MTREX: variants seen among roughly 807,000 people sequenced by gnomAD.
MTREX encodes Mtr4 exosome RNA helicase, also known as exosome RNA helicase MTR4.
MTREX carries 76 observed loss-of-function variants against 135.4 expected under a neutral mutation model. The observed-to-expected ratio is 0.56, with a 90% CI of 0.47 to 0.68. The LOEUF (loss-of-function observed/expected upper bound fraction) is 0.68. Among genes scored for constraint, MTREX ranks in the 30% least tolerant of loss-of-function variants. The pLI is 0.00. For missense variants in MTREX, 920 were observed against 1,262.1 expected, an observed-to-expected ratio of 0.73 and a Z score of 4.11; for synonymous variants, 404 against 401.6, an observed-to-expected ratio of 1.01 and a Z score of -0.07.
chr5:55,330,196 G>A (rs559444876), intron 5 of MTREX, among the ~76,000 whole-genome samples: 2 of 151,834 alleles, frequency 1.3e-5, no homozygotes, highest in Admixed American at 6.6e-5. Context: ...CCAACTCAGC[G>A]TCCCTAGTAG....
At chr5:55,405,868 G>A (rs1471014368) in intron 22 of MTREX, among the ~76,000 whole-genome samples, 1 of 151,942 alleles carries the variant, frequency 6.6e-6, no homozygotes, top group Non-Finnish European at 1.5e-5. Context: ...AAAAATCTTA[G>A]ATCTCAGTAA....
At chr5:55,395,552 GTCTC>G (rs1405646967) in intron 19 of MTREX, among the ~76,000 whole-genome samples, 1 of 152,144 alleles carries the variant, frequency 6.6e-6, no homozygotes, top group African/African-American at 2.4e-5. Context: ...TATTTACAAA[GTCTC>G]TAAAGGCTCT....
In MTREX at chr5:55,418,194, AC is replaced by A. The variant is rs199925868; in HGVS notation, c.2971+2063del. On this transcript the variant is annotated intron_variant, in intron 25 of 26. Coordinates refer to ENST00000230640, the MANE Select transcript of MTREX (RefSeq NM_015360.5). ...GCTTGCAGTGAGCTGAGATTGTGCCACTGCACTCCAGCCTGGGTGACAGAGC... is the reference window on the plus strand; with the variant it reads ...GCTTGCAGTGAGCTGAGATTGTGCCATGCACTCCAGCCTGGGTGACAGAGC... 1.4e-3 allele frequency among the ~76,000 whole-genome samples: 205 copies of A among 148,418 alleles called. No homozygotes were observed. In the East Asian group the frequency reaches 0.033, roughly 24 times the overall value.
intron 19 of MTREX, among the ~76,000 whole-genome samples, chr5:55,391,019 A>G (rs189010130): frequency 3.9e-5 from 6 of 152,286 alleles, no homozygotes; most frequent in Admixed American, 3.9e-4. Context: ...TTCTCTGTGT[A>G]TAGGTCATAC....
intron 25 of MTREX, among the ~76,000 whole-genome samples, chr5:55,419,936 G>C (rs1751027746): frequency 6.6e-6 from 1 of 152,164 alleles, no homozygotes; most frequent in East Asian, 1.9e-4. Flanking sequence ...AGTGTCATGA[G>C]TGGTTTTCCA....
chr5:55,368,432 A>G (rs1750139028), intron 16 of MTREX, among the ~76,000 whole-genome samples: 2 of 152,222 alleles, frequency 1.3e-5, no homozygotes, highest in African/African-American at 2.4e-5. Context: ...CCTGGGTGAC[A>G]GAGCGAGACT....
intron 15 of MTREX, among the ~76,000 whole-genome samples, chr5:55,360,713 T>G (rs1749993867): frequency 6.6e-6 from 1 of 152,212 alleles, no homozygotes; most frequent in Admixed American, 6.5e-5. Context: ...GAGTACCTGT[T>G]TTTGTGTCTG....
At chr5:55,412,721 C>A (rs951522161) in intron 23 of MTREX, among the ~76,000 whole-genome samples, 1 of 152,166 alleles carries the variant, frequency 6.6e-6, no homozygotes, top group Non-Finnish European at 1.5e-5. Flanking sequence ...CACAATTAAC[C>A]TCCTCACATC....
At chr5:55,402,454 T>C (rs1579895818) in intron 21 of MTREX, among the ~76,000 whole-genome samples, 1 of 152,208 alleles carries the variant, frequency 6.6e-6, no homozygotes, top group Admixed American at 6.5e-5. Context: ...GATTGAATGA[T>C]TGGAAAGCAT....
At chr5:55,360,512 T>C (rs1467943727) in intron 15 of MTREX, among the ~76,000 whole-genome samples, 1 of 152,118 alleles carries the variant, frequency 6.6e-6, no homozygotes, top group Non-Finnish European at 1.5e-5. Context: ...ATGTGTAACC[T>C]TTTGAGGAAC....
At chr5:55,420,871 TG>T (rs1751044211) in intron 25 of MTREX, among the ~76,000 whole-genome samples, 1 of 152,212 alleles carries the variant, frequency 6.6e-6, no homozygotes. Context: ...TCTGTCTCCA[TG>T]TGAGTTCTTC....
At chr5:55,354,790 G>T (rs1293284178) in intron 14 of MTREX, among the ~76,000 whole-genome samples, 4 of 152,176 alleles carry the variant, frequency 2.6e-5, no homozygotes, top group African/African-American at 9.7e-5. Flanking sequence ...ACCCAATAAA[G>T]GCAGCTGTGG....
chr5:55,351,207 G>GT (rs1176738951), intron 13 of MTREX, among the ~76,000 whole-genome samples, 178 bp downstream of exon 13: 3 of 151,712 alleles, frequency 2.0e-5, no homozygotes, highest in Non-Finnish European at 4.4e-5. Flanking sequence ...TGAAGTGTAG[G>GT]TAAAAAAAAA....
At chr5:55,349,199 T>C (rs1367878027) in intron 11 of MTREX, among the ~76,000 whole-genome samples, 1 of 151,366 alleles carries the variant, frequency 6.6e-6, no homozygotes, top group African/African-American at 2.4e-5. Context: ...TTTTTTTTTT[T>C]TTTCTGAGAT....
intron 14 of MTREX, among the ~76,000 whole-genome samples, chr5:55,357,818 C>T (rs1042496320): frequency 1.3e-5 from 2 of 152,176 alleles, no homozygotes; most frequent in African/African-American, 4.8e-5. Context: ...CAGTGGTGCC[C>T]TGAAAGCCTG....
intron 3 of MTREX, among the ~76,000 whole-genome samples, chr5:55,325,355 A>G (rs1164946931): frequency 7.2e-6 from 1 of 139,434 alleles, no homozygotes; most frequent in Non-Finnish European, 1.5e-5. Flanking sequence ...TTTTTTTTTA[A>G]GAGTCTCACT....
chr5:55,393,734 C>G (rs1373416478), intron 19 of MTREX, among the ~76,000 whole-genome samples: 1 of 152,134 alleles, frequency 6.6e-6, no homozygotes, highest in African/African-American at 2.4e-5. Flanking sequence ...TCATGTTGAA[C>G]CTGAATTCTG....
chr5:55,400,256 C>A lies in MTREX; in HGVS notation c.2316C>A (p.Asp772Glu). Reference protein sequence around the residue: ...SIQEVQKRFPDGIPLLDPIDD... With the variant: ...SIQEVQKRFPEGIPLLDPIDD... ...AGGAAGTTCAGAAACGTTTTCCTGA[C>A]GGCATCCCCTTATTAGACCCTATTG... Residue 772 changes from aspartate (D) to glutamate (E), a missense_variant, in exon 21 of 27, where the codon GAC becomes GAA. By Grantham distance (45) the Asp-to-Glu change is conservative (BLOSUM62 2). This residue lies in a region of MTREX where 467 missense variants were observed against 589.7 expected (regional missense o/e 0.79). Coordinates refer to ENST00000230640, the MANE Select transcript of MTREX (RefSeq NM_015360.5). 6.4e-7 allele frequency: 1 copy of A among 1,569,800 alleles called. No individual in the cohort carries two copies. The highest frequency in any genetic ancestry group is 1.2e-5 in the South Asian group (1 of 84,616).
At chr5:55,390,615 G>T (rs1310902114) in intron 19 of MTREX, among the ~76,000 whole-genome samples, 1 of 152,148 alleles carries the variant, frequency 6.6e-6, no homozygotes, top group Non-Finnish European at 1.5e-5. Flanking sequence ...CCATGTGTCT[G>T]ACCATTTCCC....
Sources: allele counts gnomAD v4.1 joint callset (sites outside exome capture counted in the v4.1 genomes callset), GRCh38; gene constraint gnomAD v4.1.1; regional missense constraint gnomAD v4.1.1; transcripts MANE v1.5; gene names NCBI Gene and HGNC (gene_info 2026-07-23, HGNC 2026-07-21).